The following CAMKK1 variants were observed in gnomAD, a reference collection of about 807,000 sequenced individuals.
The protein encoded by CAMKK1 is calcium/calmodulin dependent protein kinase kinase 1, also known as calcium/calmodulin-dependent protein kinase kinase 1.
Under a neutral mutation model 63.5 loss-of-function variants are expected in CAMKK1, and 20 were observed. The ratio of observed to expected loss-of-function variants is 0.32; its 90% confidence interval spans 0.22 to 0.46. The LOEUF is 0.46. CAMKK1 is among the 20% of genes least tolerant of loss of function. The pLI, the probability that CAMKK1 is intolerant of heterozygous loss-of-function variation, is 1.00. For missense variants in CAMKK1, 588 were observed against 658.1 expected (o/e 0.89, Z 1.17); for synonymous variants, 253 against 269.0 (o/e 0.94, Z 0.58).
chr17:3,883,117 C>T lies in CAMKK1; in HGVS notation c.573G>A (p.Leu191=). Residue 191 remains leucine, a synonymous_variant, in exon 6 of 16, where the codon CTG becomes CTA. Coordinates refer to ENST00000348335, the MANE Select transcript of CAMKK1 (RefSeq NM_032294.3). The surrounding 1 kb of genome is among the most constrained non-coding windows in gnomAD (Gnocchi z 4.7). ...TCTCCTGGTACACCCGCTCCAGGGG[C>T]AGCAGCTGCTTGGCTGGTCCTCCCT... is the stretch of plus-strand genomic sequence containing the variant. ...AAQGGPAKQL[L]PLERVYQEIA... 6.2e-7 allele frequency: 1 copy of T among 1,613,502 alleles called. No individual in the cohort carries two copies. Among genetic ancestry groups the T allele is most frequent in the Non-Finnish European group, 8.5e-7 (1 of 1,179,964 alleles).
In CAMKK1 at chr17:3,873,973, C is replaced by T. The variant is rs534317649; in HGVS notation, c.997-511G>A. 4.6e-5 allele frequency among the ~76,000 whole-genome samples: 7 copies of T among 152,292 alleles called. No individual in the cohort carries two copies. The South Asian group carries it at 1.4e-3, about 32-fold the overall frequency. On this transcript the variant is annotated intron_variant, in intron 10 of 15. Transcript: ENST00000348335. Reference sequence around the variant, plus strand: ...CAACTCCTCTGGGCTCCCAAACACCCCTGGGCCTCCCCGCGCCCTGGACTC... The same window carrying T: ...CAACTCCTCTGGGCTCCCAAACACCTCTGGGCCTCCCCGCGCCCTGGACTC...
In CAMKK1 at chr17:3,891,020, G is replaced by A. The variant is rs537282620; in HGVS notation, c.-44+1919C>T. 8.5e-5 allele frequency among the ~76,000 whole-genome samples: 13 copies of A among 152,194 alleles called. No homozygotes were observed. The South Asian group carries it at 1.9e-3, about 22-fold the overall frequency. Reference sequence around the variant, plus strand: ...CTGGAGGGATTTCCAACATGCAAATGTGGTTATAGTTCTCCCAGACCTGGC... The same window carrying A: ...CTGGAGGGATTTCCAACATGCAAATATGGTTATAGTTCTCCCAGACCTGGC... On this transcript the variant is annotated intron_variant, in intron 1 of 15. Coordinates refer to ENST00000348335, the MANE Select transcript of CAMKK1 (RefSeq NM_032294.3).
At chr17:3,876,768 T>TC (rs1199813352) in intron 9 of CAMKK1, among the ~76,000 whole-genome samples, 1 of 110,352 alleles carries the variant, frequency 9.1e-6, no homozygotes, top group African/African-American at 5.6e-5. Context: ...TTTTTTTTTT[T>TC]TTTTTTTGAG....
rs1169877916 is a variant in CAMKK1 at position 3,884,533 on chromosome 17, C to T, written c.361-106G>A. 21 of 1,047,552 alleles carry T rather than the reference C, an allele frequency of 2.0e-5. No homozygotes were observed. Among genetic ancestry groups the T allele is most frequent in the South Asian group, 6.2e-5 (4 of 64,776 alleles). The allele number at this position is 1,047,552 out of a possible 1,614,324, so 64.9% of individuals were successfully genotyped here. ...ATTCTGGCCATAAGCTCCTCATTCC[C>T]GGACCCCCAGGTCTCACCAAGCTTT... On this transcript the variant is annotated intron_variant, in intron 2 of 15. Coordinates refer to ENST00000348335, the MANE Select transcript of CAMKK1 (RefSeq NM_032294.3). The surrounding 1 kb of genome is among the most constrained non-coding windows in gnomAD (Gnocchi z 4.5).
At chr17:3,875,469 T>G (rs961681984) in intron 10 of CAMKK1, among the ~76,000 whole-genome samples, 1 of 151,756 alleles carries the variant, frequency 6.6e-6, no homozygotes, top group African/African-American at 2.4e-5. Context: ...TTTTTTTTTG[T>G]AGAAATGGGG....
At position 3,884,922 on chromosome 17, in the gene CAMKK1, G is replaced by A. The variant is rs951501133; in HGVS notation, c.360+406C>T. ...TCAGACCTAAATGGCAAGAACTCCA[G>A]CAGAAGCCCAGAGGCTGGAGGCAGG... On this transcript the variant is annotated intron_variant, in intron 2 of 15. Coordinates refer to ENST00000348335, the MANE Select transcript of CAMKK1 (RefSeq NM_032294.3). The surrounding 1 kb of genome is among the most constrained non-coding windows in gnomAD (Gnocchi z 4.5). 2.6e-5 allele frequency among the ~76,000 whole-genome samples: 4 copies of A among 152,328 alleles called. No homozygotes were observed. The highest frequency in any genetic ancestry group is 2.6e-4 in the Admixed American group (4 of 15,302).
chr17:3,886,747 A>AC (rs2055670653), intron 1 of CAMKK1, among the ~76,000 whole-genome samples: 1 of 151,692 alleles, frequency 6.6e-6, no homozygotes, highest in African/African-American at 2.4e-5. Flanking sequence ...CAGGGAGGTG[A>AC]CCCCCAGCCC....
chr17:3,873,326 G>T, intron 11 of CAMKK1, 83 bp downstream of exon 11: 2 of 1,271,010 alleles, frequency 1.6e-6, no homozygotes, highest in Non-Finnish European at 2.3e-6. Context: ...GCCACTTAAG[G>T]ACAAAAAGGA....
At chr17:3,875,962 T>A (rs954670620) in intron 10 of CAMKK1, among the ~76,000 whole-genome samples, 4 of 152,208 alleles carry the variant, frequency 2.6e-5, no homozygotes, top group Non-Finnish European at 4.4e-5. Flanking sequence ...GTTCTCTTTG[T>A]TTCTGCCTCT....
rs1047366542 is a variant in CAMKK1 at position 3,884,243 on chromosome 17, A to G, written c.408+137T>C. ...CCCCCTGGGTACCTGGGTACTTCCC[A>G]CAGGGCACGAAACTGTCCTCACCTC... On this transcript the variant is annotated intron_variant, in intron 3 of 15. Transcript: ENST00000348335. The surrounding 1 kb of genome is among the most constrained non-coding windows in gnomAD (Gnocchi z 4.5). 28 of 918,962 alleles carry G rather than the reference A, an allele frequency of 3.0e-5. No individual in the cohort carries two copies. The African/African-American group carries it at 4.3e-4, about 14-fold the overall frequency. The allele number at this position is 918,962 out of a possible 1,614,324, so 56.9% of individuals were successfully genotyped here. A position where few individuals can be genotyped will look rare whatever the true frequency, so the allele number is the denominator to read the frequency against.
At chr17:3,891,801 G>A (rs2143918727) in intron 1 of CAMKK1, among the ~76,000 whole-genome samples, 1 of 152,272 alleles carries the variant, frequency 6.6e-6, no homozygotes, top group South Asian at 2.1e-4. Flanking sequence ...TCCTGGCTGG[G>A]ACTCCGGGCT....
rs1363364966 is a variant in CAMKK1, at chr17:3,886,104, C to T, written c.-43-374G>A. Among the ~76,000 whole-genome samples the T allele has an allele frequency of 8.5e-5, 13 of 152,248 alleles. 1 individual carries two copies. The highest frequency in any genetic ancestry group is 2.9e-5 in the Non-Finnish European group (2 of 68,034). On this transcript the variant is annotated intron_variant, in intron 1 of 15. Transcript: ENST00000348335. ...GCTCAGCCCCAGCACAGCATGCAGC[C>T]CTGTGAGTCATGAGTCCCAACCCTT...
chr17:3,884,459 T>C lies in CAMKK1; in HGVS notation c.361-32A>G, dbSNP rs764813152. 2 of 1,609,360 alleles carry C rather than the reference T, an allele frequency of 1.2e-6. No individual in the cohort carries two copies. Among genetic ancestry groups the C allele is most frequent in the South Asian group, 2.2e-5 (2 of 90,704 alleles). ...GGGAAGAGCGAGCACCAGGTGGAGC[T>C]GGGTCCGGAGGCAGCACTGCTCCTA... On this transcript the variant is annotated intron_variant, in intron 2 of 15. Transcript: ENST00000348335. The surrounding 1 kb of genome is among the most constrained non-coding windows in gnomAD (Gnocchi z 4.5).
chr17:3,883,368 G>A lies in CAMKK1; in HGVS notation c.514+61C>T, dbSNP rs576539340. The A allele has an allele frequency of 2.7e-5, 42 of 1,542,326 alleles. No homozygotes were observed. Among genetic ancestry groups the A allele is most frequent in the South Asian group, 1.7e-4 (15 of 89,464 alleles). Reference sequence around the variant, plus strand: ...TCCTAGCCAAAACTAGCTCAGGATCGAGGTCTCCTCCTCTGCCTCCAGGCT... The same window carrying A: ...TCCTAGCCAAAACTAGCTCAGGATCAAGGTCTCCTCCTCTGCCTCCAGGCT... On this transcript the variant is annotated intron_variant, in intron 5 of 15. Transcript: ENST00000348335. This position sits in a 1 kb window ranked among gnomAD's most constrained non-coding sequence, Gnocchi z 4.7.
At chr17:3,874,290 G>C (rs983333632) in intron 10 of CAMKK1, among the ~76,000 whole-genome samples, 1 of 152,206 alleles carries the variant, frequency 6.6e-6, no homozygotes, top group Non-Finnish European at 1.5e-5. Context: ...GTCCTCGATT[G>C]GATTCCGGGA....
chr17:3,891,943 C>T (rs1186945438), intron 1 of CAMKK1, among the ~76,000 whole-genome samples: 2 of 152,024 alleles, frequency 1.3e-5, no homozygotes, highest in East Asian at 1.9e-4. Context: ...TGAGGACTGA[C>T]GGTGGGAGAC....
At chr17:3,864,066 C>T (rs1299457098) in intron 15 of CAMKK1, among the ~76,000 whole-genome samples, 1 of 151,876 alleles carries the variant, frequency 6.6e-6, no homozygotes, top group Non-Finnish European at 1.5e-5. Flanking sequence ...AATCCTCCCA[C>T]CTCAGCCTCC....
chr17:3,881,596 T>A, intron 8 of CAMKK1, 31 bp downstream of exon 8: 1 of 1,562,950 alleles, frequency 6.4e-7, no homozygotes, highest in South Asian at 1.2e-5. Context: ...TGGATGAGAA[T>A]TGACCTGCCT....
chr17:3,869,124 A>G (rs1310664935), intron 14 of CAMKK1, among the ~76,000 whole-genome samples: 3 of 146,922 alleles, frequency 2.0e-5, no homozygotes, highest in Non-Finnish European at 4.5e-5. Flanking sequence ...GCCCGCCACC[A>G]CGCCCAGCTA....
Sources: gnomAD v4.1 joint callset for allele counts (sites outside exome capture counted in the v4.1 genomes callset) on GRCh38, gnomAD v4.1.1 for gene constraint, Gnocchi (gnomAD v3.1) non-coding constraint, MANE v1.5 for transcripts, NCBI Gene and HGNC (gene_info 2026-07-23, HGNC 2026-07-21) for gene names.